Variants in FAM177A1 observed in about 807,000 individuals in gnomAD.
The protein encoded by FAM177A1 is protein FAM177A1.
Under a neutral mutation model 26.1 loss-of-function variants are expected in FAM177A1, and 22 were observed. The observed-to-expected ratio is 0.84, with a 90% CI of 0.60 to 1.20. The LOEUF (loss-of-function observed/expected upper bound fraction) is 1.20. Among genes scored for constraint, FAM177A1 ranks in the 50% most tolerant of loss-of-function variants. FAM177A1 has a pLI of 0.00. For missense variants in FAM177A1, 296 were observed against 291.1 expected (o/e 1.02, Z -0.12); for synonymous variants, 95 against 99.3 (o/e 0.96, Z 0.26).
At chr14:35,054,206 C>A (rs1381911662) in intron 2 of FAM177A1, among the ~76,000 whole-genome samples, 3 of 152,020 alleles carry the variant, frequency 2.0e-5, no homozygotes, top group Non-Finnish European at 4.4e-5. Flanking sequence ...CAGAGTGAGA[C>A]TCCATCTCAA....
At chr14:35,061,332 TCTCA>T (rs1275962117) in intron 2 of FAM177A1, among the ~76,000 whole-genome samples, 2 of 151,938 alleles carry the variant, frequency 1.3e-5, no homozygotes, top group Admixed American at 6.6e-5. Flanking sequence ...CCCTTCTGCC[TCTCA>T]CTCAGGGCAA....
At position 35,082,997 on chromosome 14, in the gene FAM177A1, A is replaced by G. The variant is rs977096033; in HGVS notation, c.*1769A>G. On this transcript the variant is annotated 3_prime_UTR_variant, in exon 5 of 5. Transcript: ENST00000280987. ...TAGTGCTTAAAATATTAATCTTTTG[A>G]TTATATAATGTCCCATGAATTATAG... 6.6e-6 allele frequency: 1 copy of G among 152,298 alleles called. No homozygotes were observed. 9.4% of individuals were successfully genotyped at this position (152,298 alleles called of 1,614,324 possible).
At chr14:35,047,681 G>A (rs1026986248) in intron 1 of FAM177A1, among the ~76,000 whole-genome samples, 6 of 152,066 alleles carry the variant, frequency 3.9e-5, no homozygotes, top group Non-Finnish European at 5.9e-5. Flanking sequence ...CCCTGGAGGT[G>A]GAGGTTGCAG....
intron 2 of FAM177A1, among the ~76,000 whole-genome samples, chr14:35,071,188 A>G (rs1400740694): frequency 6.6e-6 from 1 of 151,768 alleles, no homozygotes; most frequent in African/African-American, 2.4e-5. Context: ...TTTTAGAGAC[A>G]GGGTTTCACC....
chr14:35,070,286 A>G (rs976991343), intron 2 of FAM177A1, among the ~76,000 whole-genome samples: 2 of 151,636 alleles, frequency 1.3e-5, no homozygotes, highest in Non-Finnish European at 2.9e-5. Flanking sequence ...AGCCTCCGAA[A>G]GTGCTGGGAT....
intron 2 of FAM177A1, among the ~76,000 whole-genome samples, chr14:35,073,233 C>G (rs763853554): frequency 3.9e-5 from 6 of 152,250 alleles, no homozygotes; most frequent in African/African-American, 7.2e-5. Flanking sequence ...CCATGCCCAG[C>G]TAATATTTTG....
At position 35,081,186 on chromosome 14, in the gene FAM177A1, A is replaced by G; in HGVS notation, c.669A>G (p.Val223=). The G allele has an allele frequency of 6.2e-7, 1 of 1,613,658 alleles. No individual in the cohort carries two copies. The highest frequency in any genetic ancestry group is 1.1e-5 in the South Asian group (1 of 91,034). ...VNFEMEGDSE[V]IMESKQNPVS... Reference sequence around the variant, plus strand: ...TTGAAATGGAGGGAGACAGTGAAGTAATTATGGAAAGCAAGCAAAATCCAG... The same window carrying G: ...TTGAAATGGAGGGAGACAGTGAAGTGATTATGGAAAGCAAGCAAAATCCAG... The change falls in exon 5 of 5, where the codon GTA becomes GTG. Residue 223 remains valine, a synonymous_variant. Coordinates refer to ENST00000280987, the MANE Select transcript of FAM177A1 (RefSeq NM_173607.5).
At chr14:35,048,558 TTATATATTA>T (rs1283995748) in intron 1 of FAM177A1, among the ~76,000 whole-genome samples, 1 of 148,652 alleles carries the variant, frequency 6.7e-6, no homozygotes, top group Admixed American at 6.7e-5. Context: ...TATATATTTC[TTATATATTA>T]TATATATTAT....
At chr14:35,075,235 G>C (rs1471696249) in intron 2 of FAM177A1, among the ~76,000 whole-genome samples, 1 of 152,188 alleles carries the variant, frequency 6.6e-6, no homozygotes, top group Non-Finnish European at 1.5e-5. Context: ...ACGTAGGTGT[G>C]CATTGTGGAT....
intron 1 of FAM177A1, among the ~76,000 whole-genome samples, chr14:35,047,935 T>C (rs1408757111): frequency 6.6e-6 from 1 of 152,206 alleles, no homozygotes; most frequent in Non-Finnish European, 1.5e-5. Context: ...GTATCTCTTA[T>C]AGTATAAGAT....
intron 2 of FAM177A1, among the ~76,000 whole-genome samples, chr14:35,057,647 T>C (rs1478459336): frequency 6.6e-6 from 1 of 152,202 alleles, no homozygotes; most frequent in Non-Finnish European, 1.5e-5. Context: ...CCCAAAGTGC[T>C]GGGATTATAG....
intron 1 of FAM177A1, among the ~76,000 whole-genome samples, chr14:35,052,737 C>T (rs756055457): frequency 1.4e-4 from 21 of 151,786 alleles, no homozygotes; most frequent in Non-Finnish European, 2.4e-4. Context: ...CCAACCTGGG[C>T]AACATAGCCA....
chr14:35,065,944 C>T (rs1022071038), intron 2 of FAM177A1, among the ~76,000 whole-genome samples: 2 of 152,122 alleles, frequency 1.3e-5, no homozygotes. Context: ...CCTCGTAATC[C>T]ACCCACCTTG....
chr14:35,080,975 T>C, intron 4 of FAM177A1, 47 bp from the exon 5 acceptor site: 1 of 1,534,816 alleles, frequency 6.5e-7, no homozygotes, highest in East Asian at 2.4e-5. Flanking sequence ...ATATACCTTT[T>C]GGACTTTCGT....
chr14:35,064,674 G>A (rs8007337), intron 2 of FAM177A1, among the ~76,000 whole-genome samples: 24,604 of 151,226 alleles, frequency 0.16, 2,192 homozygotes, highest in African/African-American at 0.23. Flanking sequence ...TTTTTGAGAT[G>A]GAATCTTGCT....
intron 2 of FAM177A1, among the ~76,000 whole-genome samples, chr14:35,064,342 G>A (rs1423530342): frequency 6.6e-5 from 10 of 152,164 alleles, no homozygotes; most frequent in South Asian, 6.2e-4. Flanking sequence ...AGCCGAGATC[G>A]AGCGACTGCA....
chr14:35,059,436 T>G (rs2045114751), intron 2 of FAM177A1, among the ~76,000 whole-genome samples: 2 of 152,250 alleles, frequency 1.3e-5, no homozygotes, highest in South Asian at 2.1e-4. Flanking sequence ...ATCTGCCATT[T>G]TACCTTTTAT....
intron 1 of FAM177A1, among the ~76,000 whole-genome samples, chr14:35,049,362 T>C (rs543024389): frequency 9.8e-5 from 15 of 152,322 alleles, no homozygotes; most frequent in Middle Eastern, 3.4e-3. Flanking sequence ...CTGAAAGATA[T>C]AGCAGTACCT....
At chr14:35,048,765 C>T (rs868521019) in intron 1 of FAM177A1, among the ~76,000 whole-genome samples, 2 of 151,938 alleles carry the variant, frequency 1.3e-5, no homozygotes, top group Non-Finnish European at 1.5e-5. Context: ...CTCTATCTTA[C>T]ACTTCTTCCC....
Sources: gnomAD v4.1 joint callset for allele counts (sites outside exome capture counted in the v4.1 genomes callset) on GRCh38, gnomAD v4.1.1 for gene constraint, MANE v1.5 for transcripts, NCBI Gene and HGNC (gene_info 2026-07-23, HGNC 2026-07-21) for gene names.